CDK14: variants seen among roughly 807,000 people sequenced by gnomAD.
CDK14 encodes the protein cyclin-dependent kinase 14.
Under a neutral mutation model 60.7 loss-of-function variants are expected in CDK14, and 34 were observed. The observed-to-expected ratio is 0.56, with a 90% CI of 0.43 to 0.75. The LOEUF (loss-of-function observed/expected upper bound fraction) is 0.75. Ranked by LOEUF, CDK14 falls within the 30% of genes least tolerant of loss-of-function variation. The pLI, the probability that CDK14 is intolerant of heterozygous loss-of-function variation, is 0.00. For missense variants in CDK14, 482 were observed against 564.1 expected (o/e 0.85, Z 1.47); for synonymous variants, 197 against 203.7 (o/e 0.97, Z 0.28).
At chr7:91,173,736 G>A (rs1012570723) in intron 14 of CDK14, among the ~76,000 whole-genome samples, 12 of 152,150 alleles carry the variant, frequency 7.9e-5, no homozygotes, top group Non-Finnish European at 1.0e-4. Context: ...CCCCAATACC[G>A]CGCTTTTCCG....
chr7:90,680,259 C>T (rs922753843), intron 2 of CDK14, among the ~76,000 whole-genome samples: 9 of 152,020 alleles, frequency 5.9e-5, no homozygotes, highest in Admixed American at 1.3e-4. Context: ...ATATCTGCCT[C>T]GGACTTATTG....
intron 10 of CDK14, among the ~76,000 whole-genome samples, chr7:91,017,042 G>A (rs1323376130): frequency 6.6e-6 from 1 of 152,194 alleles, no homozygotes; most frequent in Non-Finnish European, 1.5e-5. Context: ...TGAGCCCCCA[G>A]TGGTGTTTCC....
At chr7:90,863,670 ATGTGTGTG>A (rs111580477) in intron 6 of CDK14, among the ~76,000 whole-genome samples, 3 of 145,968 alleles carry the variant, frequency 2.1e-5, no homozygotes, top group East Asian at 2.0e-4. Flanking sequence ...TTATTAAGAT[ATGTGTGTG>A]TGTGTGTGTG....
chr7:91,130,975 C>G (rs778433745), intron 14 of CDK14, among the ~76,000 whole-genome samples: 14 of 152,116 alleles, frequency 9.2e-5, no homozygotes, highest in Non-Finnish European at 1.5e-4. Flanking sequence ...CTTTTCCCGC[C>G]GAGCTCCCAT....
chr7:91,164,386 G>A (rs925787236), intron 14 of CDK14, among the ~76,000 whole-genome samples: 2 of 152,112 alleles, frequency 1.3e-5, no homozygotes, highest in Admixed American at 6.5e-5. Context: ...ACAACAACCC[G>A]AAGAGAGAGC....
chr7:91,091,921 GT>G (rs902489858), intron 12 of CDK14, among the ~76,000 whole-genome samples: 4 of 151,346 alleles, frequency 2.6e-5, no homozygotes, highest in African/African-American at 9.7e-5. Flanking sequence ...CAGTAGACTG[GT>G]TTTTTTTGCC....
chr7:90,908,957 T>C (rs1792803186), intron 7 of CDK14, among the ~76,000 whole-genome samples: 2 of 152,204 alleles, frequency 1.3e-5, no homozygotes, highest in Non-Finnish European at 2.9e-5. Flanking sequence ...TTTTTAGTTA[T>C]ACTAGCCTTC....
chr7:91,015,049 A>G (rs1796260828), intron 10 of CDK14, among the ~76,000 whole-genome samples: 1 of 152,170 alleles, frequency 6.6e-6, no homozygotes, highest in Admixed American at 6.6e-5. Flanking sequence ...ATCTTTATGT[A>G]ATAGATAATA....
chr7:90,869,540 A>G (rs1351231028), intron 6 of CDK14, among the ~76,000 whole-genome samples: 1 of 152,218 alleles, frequency 6.6e-6, no homozygotes, highest in Non-Finnish European at 1.5e-5. Flanking sequence ...GGTGTTGAGC[A>G]GAGAAATTAT....
At chr7:90,956,534 AT>A (rs1317788315) in intron 9 of CDK14, among the ~76,000 whole-genome samples, 5 of 152,216 alleles carry the variant, frequency 3.3e-5, no homozygotes, top group Non-Finnish European at 7.3e-5. Flanking sequence ...TATTAATAAA[AT>A]AATTTCTTTT....
intron 11 of CDK14, among the ~76,000 whole-genome samples, chr7:91,050,408 TG>T (rs1474583311): frequency 1.3e-5 from 2 of 151,142 alleles, no homozygotes; most frequent in African/African-American, 4.8e-5. Context: ...GGTTTTCCCT[TG>T]GAAAAAAAAA....
chr7:90,707,268 T>C (rs1801918680), intron 2 of CDK14, among the ~76,000 whole-genome samples: 1 of 152,180 alleles, frequency 6.6e-6, no homozygotes, highest in African/African-American at 2.4e-5. Flanking sequence ...TTTTACCTAG[T>C]TATACTAGAG....
chr7:90,914,722 A>T (rs1793017631), intron 7 of CDK14, among the ~76,000 whole-genome samples: 1 of 152,048 alleles, frequency 6.6e-6, no homozygotes, highest in Non-Finnish European at 1.5e-5. Context: ...TAGCGTGAGG[A>T]TTATATATTT....
intron 13 of CDK14, among the ~76,000 whole-genome samples, chr7:91,116,881 G>T (rs1475779495): frequency 6.6e-6 from 1 of 151,664 alleles, no homozygotes; most frequent in Admixed American, 6.6e-5. Flanking sequence ...TCATCTGCCA[G>T]ACCTTTCACA....
At chr7:90,786,614 G>A (rs1464131177) in intron 4 of CDK14, among the ~76,000 whole-genome samples, 1 of 151,844 alleles carries the variant, frequency 6.6e-6, no homozygotes, top group Non-Finnish European at 1.5e-5. Flanking sequence ...AATATTTCAG[G>A]TCATATTAAA....
Position 91,127,846 on chromosome 7 carries a change from G to A in CDK14, c.*28+9638G>A, listed in dbSNP as rs544181033. Among the ~76,000 whole-genome samples, 5 of 152,114 alleles carry A rather than the reference G, an allele frequency of 3.3e-5. No individual in the cohort carries two copies. The East Asian group carries it at 7.7e-4, about 24-fold the overall frequency. On this transcript the variant is annotated intron_variant, in intron 14 of 14. Coordinates refer to ENST00000380050, the MANE Select transcript of CDK14 (RefSeq NM_001287135.2). ...GCAGTTTATAAAAAGAGAACACAGT[G>A]GCAAAACAGAAAATAGTATTGCCTC...
chr7:90,878,676 A>G (rs1413768616), intron 6 of CDK14, among the ~76,000 whole-genome samples: 1 of 152,224 alleles, frequency 6.6e-6, no homozygotes, highest in Non-Finnish European at 1.5e-5. Context: ...TAAGTATCCA[A>G]GTATATGACA....
At chr7:91,004,652 A>G (rs1411004506) in intron 10 of CDK14, among the ~76,000 whole-genome samples, 1 of 152,204 alleles carries the variant, frequency 6.6e-6, no homozygotes, top group Non-Finnish European at 1.5e-5. Flanking sequence ...TAAAGGACAC[A>G]GGGGAAGTTT....
At chr7:91,138,652 T>C (rs999578615) in intron 14 of CDK14, among the ~76,000 whole-genome samples, 8 of 152,168 alleles carry the variant, frequency 5.3e-5, no homozygotes, top group Non-Finnish European at 1.2e-4. Context: ...AATTTTTTTA[T>C]GTTGGTGATA....
Sources: gnomAD v4.1 joint callset for allele counts (sites outside exome capture counted in the v4.1 genomes callset) on GRCh38, gnomAD v4.1.1 for gene constraint, MANE v1.5 for transcripts, NCBI Gene and HGNC (gene_info 2026-07-23, HGNC 2026-07-21) for gene names.